The following OR51B5 variants were observed in gnomAD, a reference collection of about 807,000 sequenced individuals.
OR51B5 encodes olfactory receptor family 51 subfamily B member 5.
For synonymous variants in OR51B5, 186 were observed against 144.8 expected, an observed-to-expected ratio of 1.28 and a Z score of -2.04; for missense variants, 456 against 374.6, an observed-to-expected ratio of 1.22 and a Z score of -1.79.
At chr11:5,390,428 T>TTTCAGTCCAATTTG in intron 1 of OR51B5, 1 of 1,469,194 alleles carries the variant, frequency 6.8e-7, no homozygotes, top group Non-Finnish European at 9.1e-7. Context: ...GGCCCCAAAT[T>TTTCAGTCCAATTTG]GGACTGAAAA....
At chr11:5,373,050 C>T (rs1849468749) in intron 1 of OR51B5, among the ~76,000 whole-genome samples, 1 of 152,122 alleles carries the variant, frequency 6.6e-6, no homozygotes, top group Admixed American at 6.6e-5. Context: ...CTCAACAAGG[C>T]CACCAACACA....
rs1850887202 is a variant in OR51B5, at chr11:5,453,396, T to A, written n.84+52173A>T. ...GTCAACATCATCGCTTTGTCTCTTA[T>A]CTCCTGATTTCTTGTCCTCCAGCAA... On this transcript the variant is annotated intron_variant and non_coding_transcript_variant, in intron 1 of 4. Transcript: ENST00000415970. The A allele has an allele frequency of 5.8e-6, 5 of 857,006 alleles. No homozygotes were observed. In the South Asian group the frequency reaches 6.4e-5, roughly 11 times the overall value. The allele number at this position is 857,006 out of a possible 1,614,324, so 53.1% of individuals were successfully genotyped here. A position where few individuals can be genotyped will look rare whatever the true frequency, so the allele number is the denominator to read the frequency against.
At chr11:5,493,894 A>G (rs1851612494) in intron 1 of OR51B5, among the ~76,000 whole-genome samples, 1 of 152,202 alleles carries the variant, frequency 6.6e-6, no homozygotes, top group Non-Finnish European at 1.5e-5. Context: ...TCCCTCTGCA[A>G]TTACCTTGTT....
At chr11:5,401,444 A>G (rs76472737) in intron 1 of OR51B5, among the ~76,000 whole-genome samples, 1 of 152,266 alleles carries the variant, frequency 6.6e-6, no homozygotes, top group East Asian at 1.9e-4. Flanking sequence ...TTTTCAAAAC[A>G]TGGGACAGCT....
intron 1 of OR51B5, among the ~76,000 whole-genome samples, chr11:5,373,015 T>A (rs887279539): frequency 6.6e-6 from 1 of 152,056 alleles, no homozygotes; most frequent in Non-Finnish European, 1.5e-5. Context: ...CAGAAATAAA[T>A]TTACGTATAT....
Position 5,465,079 on chromosome 11 carries a change from G to A in OR51B5, n.84+40490C>T, listed in dbSNP as rs190162957. Among the ~76,000 whole-genome samples the A allele has an allele frequency of 3.2e-3, 480 of 150,556 alleles. 4 individuals are homozygous for A. The highest frequency in any genetic ancestry group is 0.011 in the African/African-American group (440 of 41,232). On this transcript the variant is annotated intron_variant and non_coding_transcript_variant, in intron 1 of 4. Coordinates refer to the OR51B5 transcript ENST00000415970. ...AAATTGTCCGGGCGTAGTGGCGGGC[G>A]CCTGTAGTCCCAGCTACTTGGGAGG...
Position 5,500,220 on chromosome 11 carries a change from C to A in OR51B5, n.84+5349G>T, listed in dbSNP as rs77217353. On this transcript the variant is annotated intron_variant and non_coding_transcript_variant, in intron 1 of 4. Coordinates refer to the OR51B5 transcript ENST00000415970. ...CTTCTTTGCTCTTGCAGTAGTAAACCCAACTGAAAGCTACTTGAAACCGTT... is the reference window on the plus strand; with the variant it reads ...CTTCTTTGCTCTTGCAGTAGTAAACACAACTGAAAGCTACTTGAAACCGTT... Among the ~76,000 whole-genome samples the A allele has an allele frequency of 6.2e-3, 941 of 152,248 alleles. 10 individuals are homozygous for A. The highest frequency in any genetic ancestry group is 0.022 in the African/African-American group (901 of 41,532).
chr11:5,417,778 G>A (rs1850265409), intron 1 of OR51B5, among the ~76,000 whole-genome samples: 1 of 143,660 alleles, frequency 7.0e-6, no homozygotes, highest in African/African-American at 2.5e-5. Context: ...GAAACAACAG[G>A]TGCTGGAGAG....
chr11:5,441,120 A>G (rs1272161914), intron 1 of OR51B5: 14 of 1,613,920 alleles, frequency 8.7e-6, no homozygotes, highest in African/African-American at 1.3e-5. Flanking sequence ...GACATAGCGT[A>G]ATGGATAACA....
intron 1 of OR51B5, among the ~76,000 whole-genome samples, chr11:5,413,010 A>T (rs1051805100): frequency 6.8e-5 from 10 of 146,228 alleles, no homozygotes; most frequent in African/African-American, 2.0e-4. Context: ...CCCTGACCCC[A>T]GAGCAGCCTT....
chr11:5,441,173 T>G (rs1418725534), intron 1 of OR51B5: 2 of 1,613,866 alleles, frequency 1.2e-6, no homozygotes, highest in Non-Finnish European at 1.7e-6. Flanking sequence ...GCAGTATGCC[T>G]GACTCCATGA....
intron 1 of OR51B5, among the ~76,000 whole-genome samples, chr11:5,447,785 GT>G (rs34143409): frequency 0.7 from 106,168 of 151,848 alleles, 38,463 homozygotes; most frequent in Non-Finnish European, 0.8. Flanking sequence ...AGTACTAGTG[GT>G]TCAATTCCAG....
chr11:5,410,549 A>G (rs1192455760), intron 1 of OR51B5, among the ~76,000 whole-genome samples: 1 of 152,148 alleles, frequency 6.6e-6, no homozygotes, highest in African/African-American at 2.4e-5. Context: ...GAAAAATCCT[A>G]TCACTTGTTA....
intron 1 of OR51B5, among the ~76,000 whole-genome samples, chr11:5,374,339 TATC>T (rs1189443847): frequency 9.2e-5 from 14 of 151,808 alleles, no homozygotes; most frequent in Non-Finnish European, 1.6e-4. Context: ...GGTACATCAC[TATC>T]ATCAAAGACC....
intron 1 of OR51B5, among the ~76,000 whole-genome samples, chr11:5,428,882 G>C (rs7934225): frequency 0.21 from 31,514 of 152,108 alleles, 3,555 homozygotes; most frequent in East Asian, 0.43. Context: ...ATAAGAGAGG[G>C]GCCTGAATTC....
intron 1 of OR51B5, among the ~76,000 whole-genome samples, chr11:5,358,358 T>C (rs1849226715): frequency 6.6e-6 from 1 of 152,130 alleles, no homozygotes; most frequent in African/African-American, 2.4e-5. Context: ...GAGAATACTA[T>C]AAACACCTCT....
intron 1 of OR51B5, among the ~76,000 whole-genome samples, chr11:5,499,035 C>A (rs975952158): frequency 6.6e-6 from 1 of 152,310 alleles, no homozygotes; most frequent in Admixed American, 6.5e-5. Flanking sequence ...GAACATAAAA[C>A]TTTCCAAGAA....
At chr11:5,466,038 A>G (rs1851134696) in intron 1 of OR51B5, among the ~76,000 whole-genome samples, 1 of 152,050 alleles carries the variant, frequency 6.6e-6, no homozygotes, top group Non-Finnish European at 1.5e-5. Flanking sequence ...AAAATGGGAG[A>G]AAATTTTTGC....
chr11:5,489,018 G>A (rs764929046), intron 1 of OR51B5: 85 of 1,613,944 alleles, frequency 5.3e-5, no homozygotes, highest in Non-Finnish European at 6.9e-5. Context: ...TGGCCCAGAT[G>A]TTTTGTGTCC....
Sources: allele counts gnomAD v4.1 joint callset (sites outside exome capture counted in the v4.1 genomes callset), GRCh38; gene constraint gnomAD v4.1.1; transcripts MANE v1.5; gene names NCBI Gene and HGNC (gene_info 2026-07-23, HGNC 2026-07-21).